NTRK3: variants seen among roughly 807,000 people sequenced by gnomAD.
NTRK3 encodes the protein neurotrophic receptor tyrosine kinase 3.
NTRK3 carries 24 observed loss-of-function variants against 91.7 expected under a neutral mutation model. That is an observed-to-expected ratio of 0.26 (90% CI 0.19 to 0.37). The LOEUF (loss-of-function observed/expected upper bound fraction) is 0.37, where lower values mean the gene tolerates loss of function less well. NTRK3 is among the 10% of genes least tolerant of loss of function. The probability of loss-of-function intolerance (pLI) is 1.00; values close to 1 mark genes in which losing one functional copy is unlikely to be tolerated. For missense variants in NTRK3, 880 were observed against 1,068.9 expected, an observed-to-expected ratio of 0.82 and a Z score of 2.46; for synonymous variants, 483 against 404.0, an observed-to-expected ratio of 1.20 and a Z score of -2.34.
chr15:88,155,546 G>A (rs542640120), intron 5 of NTRK3, among the ~76,000 whole-genome samples: 1 of 152,096 alleles, frequency 6.6e-6, no homozygotes, highest in African/African-American at 2.4e-5. Flanking sequence ...CAACTAATAG[G>A]GCCACTTTCA....
intron 5 of NTRK3, among the ~76,000 whole-genome samples, chr15:88,165,919 G>A (rs1045274673): frequency 6.6e-6 from 1 of 152,148 alleles, no homozygotes; most frequent in African/African-American, 2.4e-5. Context: ...ATCTCCAGCT[G>A]GGGACTTGGT....
rs139782646 is a variant in NTRK3 at position 87,862,101 on chromosome 15, A to T, written c.*14834T>A. Reference sequence around the variant, plus strand: ...CTCCTCTATTCTAAAGAACTCTAACAGAGGTGTTGGATGCTGCTCACCTCC... The same window carrying T: ...CTCCTCTATTCTAAAGAACTCTAACTGAGGTGTTGGATGCTGCTCACCTCC... On this transcript the variant is annotated 3_prime_UTR_variant, in exon 19 of 19. Transcript: ENST00000394480. The T allele has an allele frequency of 2.1e-3, 448 of 217,310 alleles. 2 individuals carry two copies. Among genetic ancestry groups the T allele is most frequent in the Non-Finnish European group, 3.4e-3 (364 of 107,920 alleles). 13.5% of individuals were successfully genotyped at this position (217,310 alleles called of 1,614,324 possible). A position where few individuals can be genotyped will look rare whatever the true frequency, so the allele number is the denominator to read the frequency against.
intron 3 of NTRK3, among the ~76,000 whole-genome samples, chr15:88,246,400 C>T (rs1280623679): frequency 6.6e-6 from 1 of 152,218 alleles, no homozygotes; most frequent in African/African-American, 2.4e-5. Flanking sequence ...CTGCTATTTT[C>T]TGAGCACTAC....
exon 10 of NTRK3, chr15:88,135,252 T>C (rs377127434): frequency 8.1e-6 from 13 of 1,614,082 alleles, no homozygotes; most frequent in African/African-American, 2.7e-5. Flanking sequence ...CTTGGTAGTA[T>C]TCCACATGGA....
chr15:88,098,594 G>T (rs1053147237), intron 13 of NTRK3: 43 of 230,798 alleles, frequency 1.9e-4, no homozygotes, highest in African/African-American at 9.5e-4. Flanking sequence ...GAGGGCCCCA[G>T]ATAGCGGGCC....
chr15:88,206,298 A>G (rs2048755271), intron 3 of NTRK3, among the ~76,000 whole-genome samples: 1 of 145,408 alleles, frequency 6.9e-6, no homozygotes. Flanking sequence ...GTGAGCCGAG[A>G]TCGCGCCACT....
chr15:87,967,153 G>A (rs966994357), intron 14 of NTRK3, among the ~76,000 whole-genome samples: 1 of 152,172 alleles, frequency 6.6e-6, no homozygotes, highest in African/African-American at 2.4e-5. Context: ...AGCAACATTT[G>A]CTCATGATCT....
chr15:88,114,615 T>C (rs1298888481), intron 13 of NTRK3, among the ~76,000 whole-genome samples: 2 of 152,200 alleles, frequency 1.3e-5, no homozygotes, highest in Non-Finnish European at 2.9e-5. Context: ...GCAGAAATAA[T>C]GTGGCACAGA....
At chr15:87,861,935 CT>C (rs2064537715) in exon 19 of NTRK3, 1 of 215,946 alleles carries the variant, frequency 4.6e-6, no homozygotes, top group Non-Finnish European at 9.3e-6. Context: ...TTAGCAGTCA[CT>C]TTGCAGCTCC....
At chr15:88,112,011 A>C (rs1029221785) in intron 13 of NTRK3, among the ~76,000 whole-genome samples, 45 of 151,070 alleles carry the variant, frequency 3.0e-4, no homozygotes, top group African/African-American at 1.0e-3. Context: ...GGTACACGCC[A>C]TTCTCCTGCC....
At chr15:87,906,693 T>A (rs1275811200) in intron 17 of NTRK3, among the ~76,000 whole-genome samples, 1 of 152,162 alleles carries the variant, frequency 6.6e-6, no homozygotes, top group Admixed American at 6.5e-5. Flanking sequence ...AACTAAAATA[T>A]TTCGTATTCT....
At chr15:87,947,661 G>C (rs117752645) in intron 14 of NTRK3, among the ~76,000 whole-genome samples, 4,048 of 152,132 alleles carry the variant, frequency 0.027, 72 homozygotes, top group Non-Finnish European at 0.039. Context: ...ACGCAGGAGG[G>C]AGGAGGGAGG....
intron 15 of NTRK3, among the ~76,000 whole-genome samples, chr15:87,938,464 C>T (rs538790276): frequency 8.5e-5 from 13 of 152,264 alleles, no homozygotes; most frequent in African/African-American, 2.9e-4. Context: ...GGCATCTTTT[C>T]CAGGCTGACC....
intron 18 of NTRK3, among the ~76,000 whole-genome samples, chr15:87,878,110 C>T (rs925563040): frequency 3.9e-5 from 6 of 152,114 alleles, no homozygotes; most frequent in East Asian, 1.9e-4. Flanking sequence ...TTCACTTCTC[C>T]CTAACTCTAC....
At chr15:88,087,964 T>C (rs1405629334) in intron 13 of NTRK3, among the ~76,000 whole-genome samples, 2 of 152,132 alleles carry the variant, frequency 1.3e-5, no homozygotes, top group Non-Finnish European at 2.9e-5. Flanking sequence ...CGTGGAAGAA[T>C]TGCTTGAACC....
chr15:88,058,291 C>A (rs2045906513), intron 13 of NTRK3, among the ~76,000 whole-genome samples: 1 of 152,136 alleles, frequency 6.6e-6, no homozygotes. Context: ...AGATGAGAGG[C>A]CTTGGGGAGG....
At chr15:87,996,962 A>G (rs548956803) in intron 14 of NTRK3, among the ~76,000 whole-genome samples, 1 of 152,198 alleles carries the variant, frequency 6.6e-6, no homozygotes, top group Non-Finnish European at 1.5e-5. Flanking sequence ...AGATACAACA[A>G]CACATTCAAT....
chr15:88,045,493 A>G (rs1373726801), intron 13 of NTRK3, among the ~76,000 whole-genome samples: 1 of 152,222 alleles, frequency 6.6e-6, no homozygotes, highest in African/African-American at 2.4e-5. Context: ...AGGCAATTAC[A>G]AAATATACGT....
chr15:88,089,868 A>C (rs953273331), intron 13 of NTRK3, among the ~76,000 whole-genome samples: 6 of 152,126 alleles, frequency 3.9e-5, no homozygotes, highest in African/African-American at 1.4e-4. Context: ...CCACCTGCTT[A>C]AATGGCTGCC....
Sources: allele counts gnomAD v4.1 joint callset (sites outside exome capture counted in the v4.1 genomes callset), GRCh38; gene constraint gnomAD v4.1.1; transcripts MANE v1.5; gene names NCBI Gene and HGNC (gene_info 2026-07-23, HGNC 2026-07-21).